Variants in NLRP2 observed in about 807,000 individuals in gnomAD.
The protein encoded by NLRP2 is NACHT, LRR and PYD domains-containing protein 2.
Under a neutral mutation model 97.2 loss-of-function variants are expected in NLRP2, and 107 were observed. That is an observed-to-expected ratio of 1.10 (90% CI 0.94 to 1.29). NLRP2 has a LOEUF of 1.29. NLRP2 is among the 50% of genes most tolerant of loss of function. The pLI is 0.00. For synonymous variants in NLRP2, 663 were observed against 551.5 expected (o/e 1.20, Z -2.83); for missense variants, 1,495 against 1,330.3 (o/e 1.12, Z -1.93).
intron 3 of NLRP2, 134 bp downstream of exon 3, chr19:54,974,678 G>A: frequency 1.4e-6 from 1 of 725,824 alleles, no homozygotes. Flanking sequence ...CCAGGGCGGA[G>A]CTGGTCTCGC....
intron 4 of NLRP2, among the ~76,000 whole-genome samples, chr19:54,979,942 A>G (rs564369983): frequency 5.9e-5 from 9 of 151,532 alleles, no homozygotes; most frequent in Non-Finnish European, 1.3e-4. Flanking sequence ...ACGCCCAGCT[A>G]ATTTTTTGTA....
intron 10 of NLRP2, chr19:54,993,946 ACCT>A (rs1458176651): frequency 6.7e-6 from 3 of 449,114 alleles, no homozygotes; most frequent in Middle Eastern, 1.3e-3. Flanking sequence ...TTATCACGTC[ACCT>A]CCTGCTGGCT....
rs367922223 is a variant in NLRP2, at chr19:54,970,126, C to T, written c.111C>T (p.His37=). 5.6e-6 allele frequency: 9 copies of T among 1,613,968 alleles called. No individual in the cohort carries two copies. The highest frequency in any genetic ancestry group is 2.2e-5 in the East Asian group (1 of 44,894). ...KYLITTFSLA[H]ELQKIPHKEV... ...TGATCACGACCTTCTCCCTGGCACACGAGCTCCAGAAGATCCCCCACAAGG... is the reference window on the plus strand; with the variant it reads ...TGATCACGACCTTCTCCCTGGCACATGAGCTCCAGAAGATCCCCCACAAGG... The change falls in exon 2 of 13, where the codon CAC becomes CAT. Residue 37 remains histidine (H), a synonymous_variant. Coordinates refer to ENST00000448584, the MANE Select transcript of NLRP2 (RefSeq NM_017852.5).
chr19:54,975,608 C>T (rs1043651919), intron 3 of NLRP2, among the ~76,000 whole-genome samples: 9 of 150,972 alleles, frequency 6.0e-5, no homozygotes, highest in East Asian at 5.9e-4. Context: ...CCCACCACCA[C>T]GCCTGGCTAA....
chr19:54,966,120 T>C (rs1300329817), upstream of NLRP2: 1 of 151,590 alleles, frequency 6.6e-6, no homozygotes, highest in Admixed American at 6.6e-5. Flanking sequence ...ATCACAGTTA[T>C]CTGGGACTCT....
chr19:54,971,321 A>C lies in NLRP2; in HGVS notation c.280+1026A>C, dbSNP rs1271884952. Among the ~76,000 whole-genome samples, 13 of 151,248 alleles carry C rather than the reference A, an allele frequency of 8.6e-5. No homozygotes were observed. In the East Asian group the frequency reaches 1.8e-3, roughly 20 times the overall value. ...CTTTATAGCAGCATGATTTATAGTC[A>C]TTTGGGTATATACCCAGTAATGGGA... On this transcript the variant is annotated intron_variant, in intron 2 of 12. Coordinates refer to ENST00000448584, the MANE Select transcript of NLRP2 (RefSeq NM_017852.5).
chr19:54,998,389 A>G (rs994468889), intron 12 of NLRP2, among the ~76,000 whole-genome samples: 1 of 152,032 alleles, frequency 6.6e-6, no homozygotes, highest in Non-Finnish European at 1.5e-5. Context: ...AACTTCAGAA[A>G]TTCTCACAAG....
At chr19:54,998,554 T>C (rs2072970609) in intron 12 of NLRP2, among the ~76,000 whole-genome samples, 1 of 150,838 alleles carries the variant, frequency 6.6e-6, no homozygotes, top group South Asian at 2.1e-4. Flanking sequence ...TTTGTTTGTT[T>C]ATTTATTATT....
intron 2 of NLRP2, chr19:54,974,070 A>G: frequency 9.9e-7 from 1 of 1,009,278 alleles, no homozygotes; most frequent in South Asian, 1.3e-5. Context: ...TAAAAGATAC[A>G]AGCAGCCAAG....
chr19:54,986,274 T>C lies in NLRP2; in HGVS notation c.2325T>C (p.Cys775=). Residue 775 remains cysteine (C), a synonymous_variant, in exon 8 of 13, where the codon TGT becomes TGC. Transcript: ENST00000448584. ...AGGATGATATGTTTCCCGCATTGTGTGAGGTCTTGAGACATCCAGAATGTA... is the reference window on the plus strand; with the variant it reads ...AGGATGATATGTTTCCCGCATTGTGCGAGGTCTTGAGACATCCAGAATGTA... ...NDQDDMFPAL[C]EVLRHPECNL... is the part of the protein sequence containing the mutation. 6.2e-7 allele frequency: 1 copy of C among 1,614,116 alleles called. No individual in the cohort carries two copies. Among genetic ancestry groups the C allele is most frequent in the Non-Finnish European group, 8.5e-7 (1 of 1,179,976 alleles).
At chr19:54,999,081 T>G in intron 12 of NLRP2, among the ~76,000 whole-genome samples, 1 of 113,442 alleles carries the variant, frequency 8.8e-6, no homozygotes, top group Admixed American at 8.3e-5. Context: ...CACTTCCCAT[T>G]AGGGGCGGCC....
chr19:54,981,575 A>G, intron 4 of NLRP2, 42 bp from the exon 5 acceptor site: 1 of 1,142,028 alleles, frequency 8.8e-7, no homozygotes, highest in Non-Finnish European at 1.3e-6. Context: ...CAGGAAATAC[A>G]CCTGATTTTG....
chr19:54,974,414 C>T (rs1422081513), intron 2 of NLRP2, 86 bp from the exon 3 acceptor site: 5 of 960,184 alleles, frequency 5.2e-6, no homozygotes, highest in Non-Finnish European at 8.5e-6. Flanking sequence ...TGATCCAGTT[C>T]TAAGTGTCAT....
At chr19:54,987,673 C>T (rs1041619928) in intron 8 of NLRP2, among the ~76,000 whole-genome samples, 2 of 149,352 alleles carry the variant, frequency 1.3e-5, no homozygotes, top group African/African-American at 5.0e-5. Context: ...ACCTGAGAGG[C>T]GGAGGTTGCA....
At chr19:54,989,879 TACTC>T (rs2072341490) in intron 8 of NLRP2, 139 bp from the exon 9 acceptor site, 2 of 815,848 alleles carry the variant, frequency 2.5e-6, no homozygotes, top group African/African-American at 3.4e-5. Context: ...CAGTCCCAGC[TACTC>T]GGGAGGCTGA....
Position 55,000,990 on chromosome 19 carries a change from C to T in NLRP2, c.*92C>T, listed in dbSNP as rs2073160484. On this transcript the variant is annotated 3_prime_UTR_variant, in exon 13 of 13. Coordinates refer to ENST00000448584, the MANE Select transcript of NLRP2 (RefSeq NM_017852.5). The stretch of plus-strand genomic sequence containing the variant: ...CTCCTCTCCTCCCCGGCCCCTACCC[C>T]TCAGGGATAATGAGTTCATTGCTGG... 1 of 1,161,326 alleles carries T rather than the reference C, an allele frequency of 8.6e-7. No individual in the cohort carries two copies. Among genetic ancestry groups the T allele is most frequent in the Admixed American group, 1.7e-5 (1 of 58,664 alleles). The allele number at this position is 1,161,326 out of a possible 1,614,324, so 71.9% of individuals were successfully genotyped here.
At chr19:54,979,233 C>T (rs1602342787) in intron 4 of NLRP2, among the ~76,000 whole-genome samples, 1 of 152,160 alleles carries the variant, frequency 6.6e-6, no homozygotes, top group Non-Finnish European at 1.5e-5. Context: ...GATCCACCTA[C>T]CTCGGTCTCC....
rs1039056024 is a variant in NLRP2 at position 54,989,939 on chromosome 19, C to T, written c.2367-83C>T. The T allele has an allele frequency of 3.9e-5, 58 of 1,498,430 alleles. 2 individuals are homozygous for T. Among genetic ancestry groups the T allele is most frequent in the South Asian group, 3.1e-4 (27 of 88,024 alleles). 92.8% of individuals were successfully genotyped at this position (1,498,430 alleles called of 1,614,324 possible). Reference sequence around the variant, plus strand: ...CCAGGAGGCGGAGGTTGCTGTGAGCCGAGATTGCGCCACCTGGGCAACAAG... The same window carrying T: ...CCAGGAGGCGGAGGTTGCTGTGAGCTGAGATTGCGCCACCTGGGCAACAAG... On this transcript the variant is annotated intron_variant, in intron 8 of 12. Coordinates refer to ENST00000448584, the MANE Select transcript of NLRP2 (RefSeq NM_017852.5).
chr19:54,969,750 C>T (rs973357558), intron 1 of NLRP2, among the ~76,000 whole-genome samples: 2 of 152,168 alleles, frequency 1.3e-5, no homozygotes, highest in Admixed American at 6.6e-5. Flanking sequence ...GTTTCAGTCT[C>T]CCAGGCTCAA....
Sources: gnomAD v4.1 joint callset for allele counts (sites outside exome capture counted in the v4.1 genomes callset) on GRCh38, gnomAD v4.1.1 for gene constraint, MANE v1.5 for transcripts, NCBI Gene and HGNC (gene_info 2026-07-23, HGNC 2026-07-21) for gene names.